CFAP69: variants seen among roughly 807,000 people sequenced by gnomAD.
The protein encoded by CFAP69 is cilia- and flagella-associated protein 69.
A neutral mutation model predicts 123.0 loss-of-function variants in CFAP69; 92 were observed. The ratio of observed to expected loss-of-function variants is 0.75; its 90% CI spans 0.63 to 0.89. CFAP69 has a LOEUF of 0.89. CFAP69 is among the 40% of genes least tolerant of loss of function. The pLI, the probability that CFAP69 is intolerant of heterozygous loss-of-function variation, is 0.00. For missense variants in CFAP69, 1,067 were observed against 1,096.9 expected (o/e 0.97, Z 0.39); for synonymous variants, 380 against 364.3 (o/e 1.04, Z -0.49).
At position 90,297,800 on chromosome 7, in the gene CFAP69, AG is replaced by A. The variant is rs760010891; in HGVS notation, c.1829del (p.Gly610AlafsTer9). On this transcript the variant is annotated frameshift_variant, in exon 16 of 23. Transcript: ENST00000389297. ...PSEDYFLEKE[G>X]IFLLLDLLAL... ...CAGAGGATTATTTTCTTGAAAAGGA[AG>A]GCATTTTTCTCCTTTTGGATTTGTT... The A allele has an allele frequency of 1.1e-5, 18 of 1,574,992 alleles. No individual in the cohort carries two copies. The Admixed American group carries it at 2.5e-4, about 22-fold the overall frequency.
Position 90,279,815 on chromosome 7 carries a change from C to T in CFAP69, c.1294C>T (p.Pro432Ser). 1 of 1,613,052 alleles carries T rather than the reference C, an allele frequency of 6.2e-7. No homozygotes were observed. Among genetic ancestry groups the T allele is most frequent in the African/African-American group, 1.3e-5 (1 of 74,970 alleles). Residue 432 changes from proline to serine, a missense_variant, in exon 12 of 23, where the codon CCT (proline) becomes TCT (serine). Physicochemically the swap from Pro to Ser is moderately conservative, Grantham distance 74. Transcript: ENST00000389297. ...AATTGCCACTTTGTCATCAGTGGCT[C>T]CTTTATTAATAGAAGAATACATGTC... ...HAIATLSSVA[P>S]LLIEEYMSCQ...
intron 17 of CFAP69, 94 bp from the exon 18 acceptor site, chr7:90,303,875 T>C (rs974486394): frequency 7.4e-7 from 1 of 1,342,470 alleles, no homozygotes; most frequent in Non-Finnish European, 9.7e-7. Flanking sequence ...TTTTATATAT[T>C]TTATGTTATC....
chr7:90,267,026 C>T (rs879293700), intron 5 of CFAP69, among the ~76,000 whole-genome samples: 7 of 152,024 alleles, frequency 4.6e-5, no homozygotes, highest in Admixed American at 1.3e-4. Flanking sequence ...GAAAAGCAGA[C>T]GAAAGACCCT....
chr7:90,293,240 T>A (rs570672367), intron 15 of CFAP69, among the ~76,000 whole-genome samples: 1 of 152,320 alleles, frequency 6.6e-6, no homozygotes, highest in African/African-American at 2.4e-5. Context: ...TACCTTTACA[T>A]TAGTGTACTA....
At chr7:90,267,659 A>G (rs954837839) in intron 5 of CFAP69, among the ~76,000 whole-genome samples, 1 of 152,180 alleles carries the variant, frequency 6.6e-6, no homozygotes, top group Admixed American at 6.6e-5. Context: ...AGCTGCTTAA[A>G]AACTCACTCT....
rs190760666 is a variant in CFAP69, at chr7:90,273,442, T to G, written c.861-545T>G. On this transcript the variant is annotated intron_variant, in intron 8 of 22. Coordinates refer to ENST00000389297, the MANE Select transcript of CFAP69 (RefSeq NM_001039706.3). ...TGAATGTGTTATAGAGCTGTCACTT[T>G]GACCACCATGTGTAATAGACTGGTT... Among the ~76,000 whole-genome samples, 114 of 152,336 alleles carry G rather than the reference T, an allele frequency of 7.5e-4. No individual in the cohort carries two copies. The East Asian group carries it at 0.016, about 21-fold the overall frequency.
At chr7:90,292,369 A>G (rs1791329355) in intron 15 of CFAP69, among the ~76,000 whole-genome samples, 1 of 152,204 alleles carries the variant, frequency 6.6e-6, no homozygotes, top group South Asian at 2.1e-4. Context: ...AACCCTATAC[A>G]GAGACTGTGT....
chr7:90,287,733 G>T (rs1790511118), intron 14 of CFAP69: 5 of 986,064 alleles, frequency 5.1e-6, no homozygotes, highest in Non-Finnish European at 6.0e-6. Flanking sequence ...GAACTGAACA[G>T]CAAGGCAATA....
At chr7:90,271,433 C>T in intron 6 of CFAP69, 93 bp from the exon 7 acceptor site, 2 of 1,342,718 alleles carry the variant, frequency 1.5e-6, no homozygotes, top group Non-Finnish European at 2.0e-6. Flanking sequence ...AAAAGTTTTT[C>T]TTGCTGTTGC....
chr7:90,261,056 A>T (rs956240101), intron 3 of CFAP69, among the ~76,000 whole-genome samples: 1 of 151,872 alleles, frequency 6.6e-6, no homozygotes, highest in Non-Finnish European at 1.5e-5. Context: ...AACAAAATCA[A>T]TGAAATGTGT....
At chr7:90,272,910 A>G (rs189583592) in intron 8 of CFAP69, among the ~76,000 whole-genome samples, 60 of 152,308 alleles carry the variant, frequency 3.9e-4, no homozygotes, top group South Asian at 8.3e-4. Context: ...GTGATTTATT[A>G]GTGCCAAAAG....
chr7:90,255,543 G>A, intron 2 of CFAP69, 61 bp downstream of exon 2: 1 of 1,265,420 alleles, frequency 7.9e-7, no homozygotes, highest in Non-Finnish European at 1.1e-6. Context: ...TTCCCTGAAA[G>A]GTAACATATA....
At chr7:90,269,788 C>T (rs1175446617) in intron 6 of CFAP69, among the ~76,000 whole-genome samples, 2 of 152,030 alleles carry the variant, frequency 1.3e-5, no homozygotes, top group Non-Finnish European at 2.9e-5. Context: ...GAGAACAGCT[C>T]AGCTAGTGCA....
At chr7:90,306,218 T>C (rs969771159) in intron 19 of CFAP69, among the ~76,000 whole-genome samples, 1 of 152,080 alleles carries the variant, frequency 6.6e-6, no homozygotes, top group South Asian at 2.1e-4. Flanking sequence ...AGCCCAAAGA[T>C]GAATTTTTTC....
chr7:90,271,715 A>G, intron 7 of CFAP69, 40 bp downstream of exon 7: 1 of 1,594,018 alleles, frequency 6.3e-7, no homozygotes, highest in South Asian at 1.1e-5. Flanking sequence ...ATTGTCAACT[A>G]CTTTTGTTTA....
At chr7:90,290,224 A>G (rs1790926833) in intron 15 of CFAP69, among the ~76,000 whole-genome samples, 1 of 152,210 alleles carries the variant, frequency 6.6e-6, no homozygotes, top group South Asian at 2.1e-4. Flanking sequence ...GAAAAGTCCC[A>G]AGAACTACCG....
chr7:90,254,553 C>T (rs556439398), intron 1 of CFAP69, among the ~76,000 whole-genome samples: 1 of 152,188 alleles, frequency 6.6e-6, no homozygotes, highest in Non-Finnish European at 1.5e-5. Flanking sequence ...CATGTAGACC[C>T]TTTCAGAACA....
chr7:90,278,142 A>C (rs747635365), intron 11 of CFAP69, among the ~76,000 whole-genome samples: 1 of 152,156 alleles, frequency 6.6e-6, no homozygotes, highest in African/African-American at 2.4e-5. Context: ...CAGTCTATCA[A>C]CTTCACTACC....
At chr7:90,318,979 A>G in the CFAP69 span, 1 of 160,396 alleles carries the variant, frequency 6.2e-6, no homozygotes, top group Admixed American at 6.4e-5. Flanking sequence ...GCTTTTATAC[A>G]ACCCTATTGA....
Sources: gnomAD v4.1 joint callset for allele counts (sites outside exome capture counted in the v4.1 genomes callset) on GRCh38, gnomAD v4.1.1 for gene constraint, MANE v1.5 for transcripts, NCBI Gene and HGNC (gene_info 2026-07-23, HGNC 2026-07-21) for gene names.